The following SHISA9 variants were observed in gnomAD, a reference collection of about 807,000 sequenced individuals.
SHISA9 encodes the protein shisa family member 9.
A neutral mutation model predicts 38.0 loss-of-function variants in SHISA9; 13 were observed. The observed-to-expected ratio is 0.34, with a 90% CI of 0.22 to 0.54. The LOEUF is 0.54. SHISA9 is among the 20% of genes least tolerant of loss of function. The pLI is 0.91. For missense variants in SHISA9, 538 were observed against 575.8 expected (o/e 0.93, Z 0.67); for synonymous variants, 275 against 242.0 (o/e 1.14, Z -1.27).
the SHISA9 span, among the ~76,000 whole-genome samples, chr16:13,329,059 C>A: frequency 8.5e-5 from 13 of 152,114 alleles, no homozygotes; most frequent in Admixed American, 2.0e-4. Context: ...TCCATCTTCC[C>A]TTCTTTTTGC....
chr16:12,923,518 ACT>A (rs1338682281), intron 2 of SHISA9, among the ~76,000 whole-genome samples: 4 of 151,894 alleles, frequency 2.6e-5, no homozygotes, highest in Non-Finnish European at 4.4e-5. Flanking sequence ...ACAGAGCAAA[ACT>A]CTGTCTCAAA....
chr16:13,101,889 G>A (rs2141957874), intron 2 of SHISA9, among the ~76,000 whole-genome samples: 1 of 152,266 alleles, frequency 6.6e-6, no homozygotes, highest in East Asian at 1.9e-4. Context: ...ATAAAATGGA[G>A]GAAAAAGGAC....
In SHISA9 at chr16:13,119,300, A is replaced by G. The variant is rs74012277; in HGVS notation, c.692-84094A>G. 3.2e-3 allele frequency among the ~76,000 whole-genome samples: 485 copies of G among 152,260 alleles called. 6 individuals carry two copies. The highest frequency in any genetic ancestry group is 0.011 in the African/African-American group (457 of 41,546). On this transcript the variant is annotated intron_variant, in intron 2 of 4. Transcript: ENST00000558583. ...CACACAGGCTGAAATGTTATCATTG[A>G]TTTTAGAACCTGGGTTTTCTGACTT...
At chr16:13,109,449 T>C (rs1200418147) in intron 2 of SHISA9, among the ~76,000 whole-genome samples, 2 of 152,148 alleles carry the variant, frequency 1.3e-5, no homozygotes, top group Non-Finnish European at 2.9e-5. Context: ...TGGGTGAAAA[T>C]CTTGCAAGGC....
chr16:12,925,162 G>A (rs961648381), intron 2 of SHISA9, among the ~76,000 whole-genome samples: 1 of 152,218 alleles, frequency 6.6e-6, no homozygotes, highest in African/African-American at 2.4e-5. Context: ...CCGTGTGTGT[G>A]TGTGCATGGG....
At chr16:13,393,687 C>T in the SHISA9 span, among the ~76,000 whole-genome samples, 1 of 151,748 alleles carries the variant, frequency 6.6e-6, no homozygotes, top group African/African-American at 2.4e-5. Flanking sequence ...CTGTGTGAGC[C>T]TTGGCTTAGG....
At chr16:13,487,772 T>C in the SHISA9 span, among the ~76,000 whole-genome samples, 1 of 152,230 alleles carries the variant, frequency 6.6e-6, no homozygotes, top group African/African-American at 2.4e-5. Context: ...TTCATTGTTA[T>C]ATTGTTATCT....
chr16:13,167,072 C>CTTTT (rs11372669), intron 2 of SHISA9, among the ~76,000 whole-genome samples: 7 of 124,420 alleles, frequency 5.6e-5, no homozygotes, highest in Middle Eastern at 4.5e-3. Flanking sequence ...TCTCTTTTTT[C>CTTTT]TTTTTTTTTT....
At chr16:13,433,332 T>G in the SHISA9 span, among the ~76,000 whole-genome samples, 65,503 of 152,066 alleles carry the variant, frequency 0.43, 14,445 homozygotes, top group African/African-American at 0.48. Context: ...TCTGTAAATC[T>G]GAAGTAACCA....
chr16:13,037,058 T>TCTCACACACA (rs1474471632), intron 2 of SHISA9, among the ~76,000 whole-genome samples: 4 of 135,904 alleles, frequency 2.9e-5, no homozygotes, highest in African/African-American at 1.2e-4. Flanking sequence ...CAGGGAATGA[T>TCTCACACACA]CACACACACA....
Position 13,200,015 on chromosome 16 carries a change from C to A in SHISA9, c.692-3379C>A, listed in dbSNP as rs369377939. 1.4e-4 allele frequency among the ~76,000 whole-genome samples: 21 copies of A among 152,298 alleles called. No homozygotes were observed. In the East Asian group the frequency reaches 3.3e-3, roughly 24 times the overall value. On this transcript the variant is annotated intron_variant, in intron 2 of 4. Coordinates refer to ENST00000558583, the MANE Select transcript of SHISA9 (RefSeq NM_001145204.3). Reference sequence around the variant, plus strand: ...ACATCTCCCGGAAGCAGCTCTCAACCAATGACTAATAGGAGTTTGTGTGTA... The same window carrying A: ...ACATCTCCCGGAAGCAGCTCTCAACAAATGACTAATAGGAGTTTGTGTGTA...
the SHISA9 span, among the ~76,000 whole-genome samples, chr16:13,374,548 C>T: frequency 3.9e-5 from 6 of 152,190 alleles, no homozygotes. Flanking sequence ...GCCACATTTT[C>T]TTAATCCAGT....
chr16:13,367,898 A>T, the SHISA9 span, among the ~76,000 whole-genome samples: 11 of 151,636 alleles, frequency 7.3e-5, no homozygotes, highest in Admixed American at 7.2e-4. Flanking sequence ...TTTATTTTTT[A>T]ATTTTATTTT....
chr16:13,439,778 A>C, the SHISA9 span, among the ~76,000 whole-genome samples: 1 of 152,226 alleles, frequency 6.6e-6, no homozygotes, highest in South Asian at 2.1e-4. Flanking sequence ...GCGTGTGAAA[A>C]CCAATTACAA....
At chr16:13,105,680 T>C (rs1447458618) in intron 2 of SHISA9, among the ~76,000 whole-genome samples, 3 of 152,186 alleles carry the variant, frequency 2.0e-5, no homozygotes, top group Non-Finnish European at 2.9e-5. Flanking sequence ...CAGTTTCATT[T>C]TGGGCATGGC....
chr16:13,314,278 A>T, the SHISA9 span, among the ~76,000 whole-genome samples: 49 of 151,852 alleles, frequency 3.2e-4, no homozygotes, highest in South Asian at 8.5e-3. Flanking sequence ...CAATGGCACG[A>T]TCTCAGCTGA....
intron 2 of SHISA9, among the ~76,000 whole-genome samples, chr16:13,181,332 C>G: frequency 7.5e-6 from 1 of 132,950 alleles, no homozygotes; most frequent in Non-Finnish European, 1.6e-5. Flanking sequence ...CACACACACA[C>G]ACATATACGA....
At chr16:13,404,213 C>G in the SHISA9 span, among the ~76,000 whole-genome samples, 2 of 152,146 alleles carry the variant, frequency 1.3e-5, no homozygotes, top group Non-Finnish European at 1.5e-5. Context: ...TGTAGCCAGG[C>G]ACTTTGCTGA....
chr16:13,229,128 C>T (rs1041687012), intron 4 of SHISA9, among the ~76,000 whole-genome samples: 1 of 152,190 alleles, frequency 6.6e-6, no homozygotes, highest in Non-Finnish European at 1.5e-5. Flanking sequence ...CCACCGCACT[C>T]CAGCCTGGGT....
Sources: gnomAD v4.1 joint callset for allele counts (sites outside exome capture counted in the v4.1 genomes callset) on GRCh38, gnomAD v4.1.1 for gene constraint, MANE v1.5 for transcripts, NCBI Gene and HGNC (gene_info 2026-07-23, HGNC 2026-07-21) for gene names.